Variants in GPATCH2L observed in about 807,000 individuals in gnomAD.
The protein encoded by GPATCH2L is G patch domain-containing protein 2-like.
In GPATCH2L, 31 loss-of-function variants were observed where a neutral mutation model predicts 57.4. The observed-to-expected ratio is 0.54, with a 90% CI of 0.41 to 0.73. The LOEUF (loss-of-function observed/expected upper bound fraction) is 0.73. Ranked by LOEUF, GPATCH2L falls within the 30% of genes least tolerant of loss-of-function variation. GPATCH2L has a pLI of 0.00. For synonymous variants in GPATCH2L, 199 were observed against 210.7 expected (o/e 0.94, Z 0.48); for missense variants, 481 against 599.9 (o/e 0.80, Z 2.07).
At chr14:76,169,034 T>C (rs11622843) in intron 3 of GPATCH2L, among the ~76,000 whole-genome samples, 31,904 of 152,198 alleles carry the variant, frequency 0.21, 3,767 homozygotes, top group African/African-American at 0.32. Flanking sequence ...GGCCTCCTGC[T>C]GTGCTGGCTC....
intron 2 of GPATCH2L, chr14:76,234,993 A>C (rs1176817631): frequency 2.0e-5 from 3 of 152,010 alleles, no homozygotes; most frequent in African/African-American, 7.3e-5. Context: ...ACATGGAGAA[A>C]CCCTGTCTCT....
chr14:76,207,025 T>C lies in GPATCH2L; in HGVS notation c.*5174T>C, dbSNP rs1235552984. On this transcript the variant is annotated 3_prime_UTR_variant, in exon 10 of 10. Coordinates refer to ENST00000261530, the MANE Select transcript of GPATCH2L (RefSeq NM_017926.4). ...GTGGATGGAAATAACCTTTTGAAAA[T>C]GGATAAAGCCTGGGTGTGGTGACTC... is the stretch of plus-strand genomic sequence containing the variant. 1 of 152,154 alleles carries C rather than the reference T, an allele frequency of 6.6e-6. No individual in the cohort carries two copies. The highest frequency in any genetic ancestry group is 1.5e-5 in the Non-Finnish European group (1 of 68,036). 9.4% of individuals were successfully genotyped at this position (152,154 alleles called of 1,614,324 possible).
intron 8 of GPATCH2L, among the ~76,000 whole-genome samples, chr14:76,195,675 A>G (rs1277942411): frequency 6.6e-6 from 1 of 152,214 alleles, no homozygotes; most frequent in Non-Finnish European, 1.5e-5. Flanking sequence ...AATCAGGTAA[A>G]AAGTTTAGAA....
chr14:76,216,517 G>A (rs2040490569), downstream of GPATCH2L, among the ~76,000 whole-genome samples: 1 of 151,348 alleles, frequency 6.6e-6, no homozygotes, highest in Admixed American at 6.6e-5. Context: ...AATTCCTAGG[G>A]AAAATAATTT....
chr14:76,192,119 CTTT>C (rs550626099), intron 8 of GPATCH2L, among the ~76,000 whole-genome samples: 5 of 136,616 alleles, frequency 3.7e-5, no homozygotes, highest in Non-Finnish European at 7.9e-5. Flanking sequence ...AGGACTTACT[CTTT>C]TTTTTTTTTT....
chr14:76,154,097 T>G lies in GPATCH2L; in HGVS notation c.-10-257T>G, dbSNP rs1594895912. 1 of 345,114 alleles carries G rather than the reference T, an allele frequency of 2.9e-6. No individual in the cohort carries two copies. Among genetic ancestry groups the G allele is most frequent in the East Asian group, 5.0e-5 (1 of 19,942 alleles). 21.4% of individuals were successfully genotyped at this position (345,114 alleles called of 1,614,324 possible). A position where few individuals can be genotyped will look rare whatever the true frequency, so the allele number is the denominator to read the frequency against. On this transcript the variant is annotated intron_variant, in intron 1 of 9. Transcript: ENST00000261530. The surrounding 1 kb of genome is among the most constrained non-coding windows in gnomAD (Gnocchi z 4.4). ...TCCCAGTTGTCTTCTGGTTAGTAGG[T>G]TTTTGTGCTTAAGAATATGTTGACT...
intron 9 of GPATCH2L, among the ~76,000 whole-genome samples, chr14:76,198,099 G>A (rs1001934237): frequency 2.2e-4 from 1 of 4,480 alleles, no homozygotes; most frequent in African/African-American, 2.4e-4. Flanking sequence ...GACTGTAAAT[G>A]ACCATAGGTT....
intron 1 of GPATCH2L, among the ~76,000 whole-genome samples, chr14:76,224,920 C>G (rs1363487445): frequency 6.6e-6 from 1 of 151,908 alleles, no homozygotes; most frequent in African/African-American, 2.4e-5. Flanking sequence ...GAGAATAAAT[C>G]TAATGAAAGA....
Position 76,204,202 on chromosome 14 carries a change from C to A in GPATCH2L, c.*2351C>A, listed in dbSNP as rs978331191. On this transcript the variant is annotated 3_prime_UTR_variant, in exon 10 of 10. Coordinates refer to ENST00000261530, the MANE Select transcript of GPATCH2L (RefSeq NM_017926.4). ...TAATCTCTTGTTTTTCAGTGATAGA[C>A]CTGAGTCAGTCTGAGATGCTTATTT... is the stretch of plus-strand genomic sequence containing the variant. 8 of 152,158 alleles carry A rather than the reference C, an allele frequency of 5.3e-5. No homozygotes were observed. The South Asian group carries it at 1.7e-3, about 32-fold the overall frequency. The allele number at this position is 152,158 out of a possible 1,614,324, so 9.4% of individuals were successfully genotyped here. A position where few individuals can be genotyped will look rare whatever the true frequency, so the allele number is the denominator to read the frequency against.
Position 76,177,393 on chromosome 14 carries a change from G to A in GPATCH2L, c.1053-595G>A, listed in dbSNP as rs75640812. Among the ~76,000 whole-genome samples, 25 of 152,060 alleles carry A rather than the reference G, an allele frequency of 1.6e-4. No individual in the cohort carries two copies. The East Asian group carries it at 3.7e-3, about 22-fold the overall frequency. ...ATTACTGTGGTGAGTGCTGTAGGAAGCCTGTATGTAGCTACAGGAAAATAA... is the reference window on the plus strand; with the variant it reads ...ATTACTGTGGTGAGTGCTGTAGGAAACCTGTATGTAGCTACAGGAAAATAA... On this transcript the variant is annotated intron_variant, in intron 6 of 9. Transcript: ENST00000261530.
At chr14:76,186,077 A>G (rs1356874862) in intron 8 of GPATCH2L, among the ~76,000 whole-genome samples, 2 of 152,172 alleles carry the variant, frequency 1.3e-5, no homozygotes, top group Non-Finnish European at 2.9e-5. Context: ...CTGGTAACCA[A>G]TATTATTTTT....
Position 76,201,617 on chromosome 14 carries a change from C to G in GPATCH2L, c.1289-74C>G, listed in dbSNP as rs908173280. ...TTAAGAAAATTTTTTTTCTAAGTAT[C>G]TCTCATTCTAATTTGTCTTATTCTA... On this transcript the variant is annotated intron_variant, in intron 9 of 9. Coordinates refer to ENST00000261530, the MANE Select transcript of GPATCH2L (RefSeq NM_017926.4). 17 of 1,207,214 alleles carry G rather than the reference C, an allele frequency of 1.4e-5. No individual in the cohort carries two copies. In the Middle Eastern group the frequency reaches 1.2e-3, roughly 87 times the overall value. 74.8% of individuals were successfully genotyped at this position (1,207,214 alleles called of 1,614,324 possible).
chr14:76,222,153 A>C (rs1283033707), intron 1 of GPATCH2L, among the ~76,000 whole-genome samples: 1 of 152,158 alleles, frequency 6.6e-6, no homozygotes, highest in East Asian at 1.9e-4. Context: ...AAATAGAAAA[A>C]AGGCACAGAT....
chr14:76,160,614 GA>G (rs559118694), intron 2 of GPATCH2L, among the ~76,000 whole-genome samples: 36 of 152,310 alleles, frequency 2.4e-4, no homozygotes, highest in African/African-American at 7.7e-4. Flanking sequence ...GACTTCTACT[GA>G]GACGGAGATT....
chr14:76,165,374 C>T (rs187747860), intron 2 of GPATCH2L, among the ~76,000 whole-genome samples: 74 of 151,854 alleles, frequency 4.9e-4, no homozygotes, highest in African/African-American at 1.8e-3. Context: ...CGCCTGTAAT[C>T]CCAGCTACTT....
chr14:76,182,213 C>G (rs577285640), intron 8 of GPATCH2L, among the ~76,000 whole-genome samples: 1 of 151,790 alleles, frequency 6.6e-6, no homozygotes, highest in Non-Finnish European at 1.5e-5. Flanking sequence ...AAAAATTAGC[C>G]AGGTGTGCTG....
At chr14:76,167,327 T>G (rs1477109688) in intron 3 of GPATCH2L, among the ~76,000 whole-genome samples, 1 of 152,250 alleles carries the variant, frequency 6.6e-6, no homozygotes, top group Non-Finnish European at 1.5e-5. Flanking sequence ...AGAAAATGTT[T>G]GTCCTCTAGA....
intron 8 of GPATCH2L, among the ~76,000 whole-genome samples, chr14:76,192,153 A>G (rs1329353056): frequency 7.0e-6 from 1 of 142,106 alleles, no homozygotes; most frequent in Non-Finnish European, 1.5e-5. Flanking sequence ...CCTGAATAGT[A>G]TTCCATTGTG....
chr14:76,158,748 A>G (rs913697738), intron 2 of GPATCH2L, among the ~76,000 whole-genome samples: 11 of 152,222 alleles, frequency 7.2e-5, no homozygotes, highest in Non-Finnish European at 1.6e-4. Context: ...TGCAGTTGGT[A>G]GTATTGCATG....
Sources: gnomAD v4.1 joint callset for allele counts (sites outside exome capture counted in the v4.1 genomes callset) on GRCh38, gnomAD v4.1.1 for gene constraint, Gnocchi (gnomAD v3.1) non-coding constraint, MANE v1.5 for transcripts, NCBI Gene and HGNC (gene_info 2026-07-23, HGNC 2026-07-21) for gene names.